MPHOSPH9: variants seen among roughly 807,000 people sequenced by gnomAD.
MPHOSPH9 encodes the protein M-phase phosphoprotein 9.
In MPHOSPH9, 88 loss-of-function variants were observed where a neutral mutation model predicts 145.5. The ratio of observed to expected loss-of-function variants is 0.60; its 90% CI spans 0.51 to 0.72. The LOEUF is 0.72. MPHOSPH9 is among the 30% of genes least tolerant of loss of function. The pLI, the probability that MPHOSPH9 is intolerant of heterozygous loss-of-function variation, is 0.00. For synonymous variants in MPHOSPH9, 435 were observed against 486.2 expected, an observed-to-expected ratio of 0.89 and a Z score of 1.39; for missense variants, 1,238 against 1,386.6, an observed-to-expected ratio of 0.89 and a Z score of 1.70.
In MPHOSPH9 at chr12:123,203,249, C is replaced by A. The variant is rs768538204; in HGVS notation, c.1320+1G>T. ...ACTCGGCAGAATGTGGACAACTTTA[C>A]CTCTGGTGGATGATTTGGGTTGGAA... On this transcript the variant is annotated splice_donor_variant, in intron 9 of 23. Coordinates refer to ENST00000606320, the MANE Select transcript of MPHOSPH9 (RefSeq NM_022782.4). LOFTEE classifies it high-confidence loss of function. 1.2e-5 allele frequency: 20 copies of A among 1,612,718 alleles called. No individual in the cohort carries two copies. Among genetic ancestry groups the A allele is most frequent in the Non-Finnish European group, 1.7e-5 (20 of 1,179,720 alleles).
intron 14 of MPHOSPH9, among the ~76,000 whole-genome samples, chr12:123,180,415 T>C (rs1022140077): frequency 6.6e-6 from 1 of 152,186 alleles, no homozygotes. Flanking sequence ...CCCTCCATTC[T>C]ATGCAACAGA....
chr12:123,176,585 C>T, intron 16 of MPHOSPH9, 103 bp downstream of exon 16: 3 of 825,190 alleles, frequency 3.6e-6, no homozygotes, highest in Non-Finnish European at 5.8e-6. Flanking sequence ...TCTGTAATGA[C>T]ATTTAACCCG....
In MPHOSPH9 at chr12:123,155,483, TAAGAGCCACATA is replaced by T. The variant is rs1218672053; in HGVS notation, c.*1312_*1323del. On this transcript the variant is annotated 3_prime_UTR_variant, in exon 24 of 24. Transcript: ENST00000606320. ...TTGGTTCATTCTAACTACTTATTAT[TAAGAGCCACATA>T]AAGAGGAAAAGCTCAAAAGCAAACC... 1 of 152,180 alleles carries T rather than the reference TAAGAGCCACATA, an allele frequency of 6.6e-6. No individual in the cohort carries two copies. Among genetic ancestry groups the T allele is most frequent in the Non-Finnish European group, 1.5e-5 (1 of 68,036 alleles). The allele number at this position is 152,180 out of a possible 1,614,324, so 9.4% of individuals were successfully genotyped here. A position where few individuals can be genotyped will look rare whatever the true frequency, so the allele number is the denominator to read the frequency against.
At position 123,161,300 on chromosome 12, in the gene MPHOSPH9, C is replaced by A. The variant is rs749100751; in HGVS notation, c.3217G>T (p.Val1073Leu). The A allele has an allele frequency of 3.1e-6, 5 of 1,614,114 alleles. No homozygotes were observed. The East Asian group carries it at 8.9e-5, about 29-fold the overall frequency. Reference sequence around the variant, plus strand: ...TTCTCCCAGGCTGTTCTCACAGATACTTTCTTCACTCCATTTGGCACCGGT... The same window carrying A: ...TTCTCCCAGGCTGTTCTCACAGATAATTTCTTCACTCCATTTGGCACCGGT... ...PEPVPNGVKK[V>L]SVRTAWEKNK... The change falls in exon 22 of 24, where the codon GTA (valine) becomes TTA (leucine). Residue 1073 changes from valine to leucine, a missense_variant. Physicochemically the swap from Val to Leu is conservative, Grantham distance 32. Around this residue, in one of 3 missense-constraint regions of MPHOSPH9, gnomAD observed 393 missense variants for 462.5 expected, o/e 0.85. Transcript: ENST00000606320.
At chr12:123,222,653 CA>C (rs780158499) in intron 4 of MPHOSPH9, among the ~76,000 whole-genome samples, 2 of 149,026 alleles carry the variant, frequency 1.3e-5, no homozygotes, top group Non-Finnish European at 3.0e-5. Flanking sequence ...GACTCCATCT[CA>C]AAAAAAAATA....
rs1462424485 is a variant in MPHOSPH9 at position 123,227,568 on chromosome 12, CT to C, written c.152del (p.Lys51ArgfsTer6). 2 of 1,532,740 alleles carry C rather than the reference CT, an allele frequency of 1.3e-6. No individual in the cohort carries two copies. The highest frequency in any genetic ancestry group is 1.7e-6 in the Non-Finnish European group (2 of 1,144,978). 94.9% of individuals were successfully genotyped at this position (1,532,740 alleles called of 1,614,324 possible). ...STNGVSSFSG[K>X]TRPSVIQGTV... is the part of the protein sequence containing the mutation. ...TACCTTGAATTACAGATGGTCTGGT[CT>C]TCCCTGAGAAAGAGGATACCCCATT... On this transcript the variant is annotated frameshift_variant, in exon 3 of 24. Coordinates refer to ENST00000606320, the MANE Select transcript of MPHOSPH9 (RefSeq NM_022782.4). LOFTEE classifies it high-confidence loss of function.
intron 1 of MPHOSPH9, among the ~76,000 whole-genome samples, chr12:123,232,587 G>T (rs1187196027): frequency 6.6e-6 from 1 of 152,112 alleles, no homozygotes; most frequent in South Asian, 2.1e-4. Flanking sequence ...TTTCAGATGG[G>T]GATGAGGCCA....
intron 1 of MPHOSPH9, among the ~76,000 whole-genome samples, chr12:123,241,138 GTTGTTTTTTTTTTGTTT>G (rs1405455338): frequency 1.8e-5 from 2 of 111,724 alleles, no homozygotes; most frequent in African/African-American, 5.5e-5. Context: ...TTTATTTGGG[GTTGTTTTTTTTTTGTTT>G]TTGTTTTTTT....
rs370811311 is a variant in MPHOSPH9, at chr12:123,205,604, C to T, written c.1195-2229G>A. On this transcript the variant is annotated intron_variant, in intron 8 of 23. Transcript: ENST00000606320. ...TGCTGTAGAATTCATTCTTTACATG[C>T]CAATAACCTAAAGAAGCCTTTTCAA... Among the ~76,000 whole-genome samples the T allele has an allele frequency of 9.0e-4, 137 of 152,120 alleles. 4 individuals are homozygous for T. In the South Asian group the frequency reaches 0.028, roughly 31 times the overall value.
chr12:123,220,385 G>A (rs1179510799), intron 5 of MPHOSPH9, among the ~76,000 whole-genome samples: 2 of 151,754 alleles, frequency 1.3e-5, no homozygotes, highest in East Asian at 1.9e-4. Context: ...CCAACACAGC[G>A]GAACTCTGTC....
intron 10 of MPHOSPH9, 81 bp from the exon 11 acceptor site, chr12:123,202,400 G>T: frequency 7.2e-7 from 1 of 1,394,712 alleles, no homozygotes; most frequent in Non-Finnish European, 9.7e-7. Flanking sequence ...AGAACACAAT[G>T]ATTCTCATGG....
At chr12:123,219,592 T>C (rs2047115531) in intron 5 of MPHOSPH9, among the ~76,000 whole-genome samples, 1 of 144,912 alleles carries the variant, frequency 6.9e-6, no homozygotes, top group Non-Finnish European at 1.5e-5. Context: ...TGACTAATAA[T>C]ACAAAAAGTC....
At position 123,202,609 on chromosome 12, in the gene MPHOSPH9, CACTGAA is replaced by C. The variant is rs755420182; in HGVS notation, c.1781+9_1781+14del. 37 of 1,592,508 alleles carry C rather than the reference CACTGAA, an allele frequency of 2.3e-5. No individual in the cohort carries two copies. In the African/African-American group the frequency reaches 4.3e-4, roughly 19 times the overall value. On this transcript the variant is annotated intron_variant, in intron 10 of 23. Coordinates refer to ENST00000606320, the MANE Select transcript of MPHOSPH9 (RefSeq NM_022782.4). ...AAATCTATTAACATTACAAGCCATTCACTGAAATACATACTTAGACAATATCACAGG... is the reference window on the plus strand; with the variant it reads ...AAATCTATTAACATTACAAGCCATTCATACATACTTAGACAATATCACAGG...
chr12:123,217,854 G>T (rs1169763142), intron 6 of MPHOSPH9, among the ~76,000 whole-genome samples: 1 of 151,924 alleles, frequency 6.6e-6, no homozygotes, highest in Non-Finnish European at 1.5e-5. Flanking sequence ...GAGCAGCCTG[G>T]CCAACATGGT....
intron 3 of MPHOSPH9, 25 bp downstream of exon 3, chr12:123,227,438 C>A: frequency 1.4e-6 from 2 of 1,417,510 alleles, no homozygotes; most frequent in East Asian, 2.5e-5. Flanking sequence ...TTTTAAAATT[C>A]CAAAAATAAA....
At chr12:123,239,090 G>A (rs1407023105) in intron 1 of MPHOSPH9, among the ~76,000 whole-genome samples, 1 of 152,166 alleles carries the variant, frequency 6.6e-6, no homozygotes. Context: ...GCAACATGGT[G>A]AAACCCCGTC....
At position 123,221,514 on chromosome 12, in the gene MPHOSPH9, T is replaced by C. The variant is rs775143290; in HGVS notation, c.730A>G (p.Lys244Glu). The change falls in exon 5 of 24, where the codon AAA becomes GAA. Residue 244 changes from lysine to glutamate, a missense_variant. Coordinates refer to ENST00000606320, the MANE Select transcript of MPHOSPH9 (RefSeq NM_022782.4). Reference protein sequence around the residue: ...VPAESLVDGVKNENFYIQTPE... With the variant: ...VPAESLVDGVENENFYIQTPE... ...GTCTGTATATAAAAATTCTCATTTT[T>C]CACACCATCTACAAGTGACTCAGCC... 3 of 1,614,230 alleles carry C rather than the reference T, an allele frequency of 1.9e-6. No individual in the cohort carries two copies. Among genetic ancestry groups the C allele is most frequent in the Admixed American group, 1.7e-5 (1 of 60,014 alleles).
At chr12:123,160,928 C>A in intron 22 of MPHOSPH9, 79 bp from the exon 23 acceptor site, 1 of 1,483,210 alleles carries the variant, frequency 6.7e-7, no homozygotes, top group Admixed American at 1.8e-5. Flanking sequence ...AAGGTTTTGG[C>A]TTAGTATTTC....
intron 8 of MPHOSPH9, among the ~76,000 whole-genome samples, chr12:123,203,827 G>A (rs1343888329): frequency 2.0e-5 from 3 of 152,020 alleles, no homozygotes; most frequent in African/African-American, 4.8e-5. Flanking sequence ...GGGACTACAC[G>A]AGTGCAAGAC....
Sources: allele counts gnomAD v4.1 joint callset (sites outside exome capture counted in the v4.1 genomes callset), GRCh38; gene constraint gnomAD v4.1.1; regional missense constraint gnomAD v4.1.1; transcripts MANE v1.5; gene names NCBI Gene and HGNC (gene_info 2026-07-23, HGNC 2026-07-21).